MYH11: variants seen among roughly 807,000 people sequenced by gnomAD.
MYH11 encodes the protein myosin-11.
Under a neutral mutation model 246.6 loss-of-function variants are expected in MYH11, and 80 were observed. That is an observed-to-expected ratio of 0.32 (90% CI 0.27 to 0.39). MYH11 has a LOEUF of 0.39. Ranked by LOEUF, MYH11 falls within the 10% of genes least tolerant of loss-of-function variation. The pLI is 1.00. For synonymous variants in MYH11, 1,071 were observed against 1,015.5 expected (o/e 1.05, Z -1.04); for missense variants, 2,158 against 2,546.8 (o/e 0.85, Z 3.29).
chr16:15,832,943 C>CTTTT (rs780380104), intron 2 of MYH11, among the ~76,000 whole-genome samples: 9 of 55,340 alleles, frequency 1.6e-4, no homozygotes, highest in Non-Finnish European at 2.5e-4. Flanking sequence ...GCAACCTCAT[C>CTTTT]TTTTTTTTTT....
At chr16:15,726,751 C>A (rs1050328648) in intron 28 of MYH11, 97 bp downstream of exon 28, 8 of 1,399,884 alleles carry the variant, frequency 5.7e-6, no homozygotes, top group African/African-American at 1.4e-5. Context: ...ACTTGCCTTG[C>A]AGCAAGAGAG....
At chr16:15,749,206 G>A (rs1240313792) in intron 16 of MYH11, 1 of 144,864 alleles carries the variant, frequency 6.9e-6, no homozygotes, top group Non-Finnish European at 1.5e-5. Context: ...CTGGAATGCT[G>A]TGGTGCAATC....
chr16:15,767,950 A>G (rs553834310), intron 9 of MYH11, among the ~76,000 whole-genome samples: 1 of 150,684 alleles, frequency 6.6e-6, no homozygotes, highest in Admixed American at 6.6e-5. Context: ...TTTTTTTTTT[A>G]AATTTTTAGT....
In MYH11 at chr16:15,724,811, A is replaced by C; in HGVS notation, c.3964-12T>G. On this transcript the variant is annotated splice_polypyrimidine_tract_variant and intron_variant, in intron 29 of 40. Transcript: ENST00000300036. ...TCTTGAAGCAGCTCCTGCAAAAGGG[A>C]TGCAAAGAGGTCCCAGGGACCTGCC... 6.2e-7 allele frequency: 1 copy of C among 1,613,756 alleles called. No homozygotes were observed. The highest frequency in any genetic ancestry group is 8.5e-7 in the Non-Finnish European group (1 of 1,180,004).
chr16:15,735,962 T>C (rs1236027096), intron 25 of MYH11, among the ~76,000 whole-genome samples: 4 of 152,256 alleles, frequency 2.6e-5, no homozygotes, highest in African/African-American at 9.6e-5. Context: ...TTTCTGCATT[T>C]GCTCAGTGAC....
intron 40 of MYH11, among the ~76,000 whole-genome samples, chr16:15,712,331 A>T (rs1310199270): frequency 6.6e-6 from 1 of 151,810 alleles, no homozygotes; most frequent in Non-Finnish European, 1.5e-5. Flanking sequence ...ATTAGTTGAG[A>T]CCTCTCACCT....
rs2041462418 is a variant in MYH11 at position 15,747,892 on chromosome 16, C to G, written c.2232G>C (p.Lys744Asn). 2 of 1,613,944 alleles carry G rather than the reference C, an allele frequency of 1.2e-6. No homozygotes were observed. Among genetic ancestry groups the G allele is most frequent in the East Asian group, 4.5e-5 (2 of 44,856 alleles). The change falls in exon 18 of 41, where the codon AAG becomes AAC. Residue 744 changes from lysine (K) to asparagine (N), a missense_variant. Transcript: ENST00000300036. ...NAIPKGFMDGKQACILMIKAL... is the reference protein window; with the variant it reads ...NAIPKGFMDGNQACILMIKAL... The stretch of plus-strand genomic sequence containing the variant: ...GGCTCACCATGAGAATGCAGGCCTG[C>G]TTCCCGTCCATGAAGCCTTTGGGGA...
intron 2 of MYH11, among the ~76,000 whole-genome samples, chr16:15,830,649 G>A (rs1391415710): frequency 6.6e-6 from 1 of 152,186 alleles, no homozygotes; most frequent in Non-Finnish European, 1.5e-5. Flanking sequence ...AGGCTGAGGT[G>A]GGTGGATCAC....
chr16:15,738,704 GAA>G lies in MYH11; in HGVS notation c.2998-18_2998-17del, dbSNP rs746744616. ...GTTTTCGTTCCTTTTTGGGGAAAGA[GAA>G]AGAGATAGCTTTAGGATTTTTCTTT... On this transcript the variant is annotated splice_polypyrimidine_tract_variant and intron_variant, in intron 23 of 40. Coordinates refer to ENST00000300036, the MANE Select transcript of MYH11 (RefSeq NM_002474.3). The G allele has an allele frequency of 2.2e-5, 36 of 1,612,804 alleles. No homozygotes were observed. The highest frequency in any genetic ancestry group is 3.0e-5 in the Non-Finnish European group (35 of 1,179,176).
At chr16:15,806,942 G>T (rs2043027892) in intron 3 of MYH11, among the ~76,000 whole-genome samples, 1 of 150,864 alleles carries the variant, frequency 6.6e-6, no homozygotes, top group Non-Finnish European at 1.5e-5. Flanking sequence ...AAGCACAAAA[G>T]TCAATAAGAT....
intron 38 of MYH11, among the ~76,000 whole-genome samples, chr16:15,716,302 A>C (rs2040132066): frequency 6.6e-6 from 1 of 152,094 alleles, no homozygotes; most frequent in African/African-American, 2.4e-5. Flanking sequence ...CATGTTTGTG[A>C]ATATATGAAT....
At chr16:15,767,826 C>A (rs1187748068) in intron 9 of MYH11, among the ~76,000 whole-genome samples, 2 of 151,858 alleles carry the variant, frequency 1.3e-5, no homozygotes, top group East Asian at 1.9e-4. Context: ...AAGGAAAAGC[C>A]AGGAACAGCC....
intron 24 of MYH11, 121 bp from the exon 25 acceptor site, chr16:15,737,741 A>G: frequency 9.8e-7 from 1 of 1,022,886 alleles, no homozygotes; most frequent in East Asian, 2.5e-5. Context: ...AGTAACCATC[A>G]TAGTCACGGT....
intron 31 of MYH11, among the ~76,000 whole-genome samples, chr16:15,722,518 A>G (rs978560276): frequency 2.6e-5 from 4 of 152,182 alleles, no homozygotes; most frequent in South Asian, 2.1e-4. Context: ...ATCCCACACT[A>G]TGTGTGCCAC....
chr16:15,738,641 A>G lies in MYH11; in HGVS notation c.3045T>C (p.Leu1015=), dbSNP rs764089203. 1.2e-6 allele frequency: 2 copies of G among 1,614,062 alleles called. No homozygotes were observed. Among genetic ancestry groups the G allele is most frequent in the Non-Finnish European group, 1.7e-6 (2 of 1,179,968 alleles). ...EERISDLTTN[L]AEEEEKAKNL... ...TCTTGGCCTTTTCTTCCTCTTCTGC[A>G]AGATTTGTCGTTAAGTCACTAATCC... The change falls in exon 24 of 41, where the codon CTT becomes CTC. Residue 1015 remains leucine, a synonymous_variant. Transcript: ENST00000300036.
At chr16:15,843,699 CAAA>C (rs35135287) in intron 1 of MYH11, among the ~76,000 whole-genome samples, 1 of 134,400 alleles carries the variant, frequency 7.4e-6, no homozygotes, top group Non-Finnish European at 1.6e-5. Flanking sequence ...GACTCCGTCT[CAAA>C]AAAAAAAAAA....
rs191413541 is a variant in MYH11, at chr16:15,725,398, A to G, written c.3859-406T>C. ...TCTCTAAGGCTGGAGAAGGGAGACC[A>G]GGATGGTACTTGAACGTCCCAGGGA... On this transcript the variant is annotated intron_variant, in intron 28 of 40. Transcript: ENST00000300036. The G allele has an allele frequency of 3.0e-5, 16 of 524,846 alleles. No homozygotes were observed. In the East Asian group the frequency reaches 4.0e-4, roughly 13 times the overall value. The allele number at this position is 524,846 out of a possible 1,614,324, so 32.5% of individuals were successfully genotyped here.
At chr16:15,769,228 A>T (rs1356189610) in intron 9 of MYH11, among the ~76,000 whole-genome samples, 2 of 152,192 alleles carry the variant, frequency 1.3e-5, no homozygotes, top group Non-Finnish European at 1.5e-5. Flanking sequence ...AGCCAAGAGA[A>T]TTGCTTGAAC....
intron 27 of MYH11, among the ~76,000 whole-genome samples, chr16:15,727,529 T>TCATG (rs1203338306): frequency 6.6e-6 from 1 of 152,144 alleles, no homozygotes; most frequent in East Asian, 1.9e-4. Flanking sequence ...TTCCTAAAGC[T>TCATG]CATGGGTTGC....
Sources: gnomAD v4.1 joint callset for allele counts (sites outside exome capture counted in the v4.1 genomes callset) on GRCh38, gnomAD v4.1.1 for gene constraint, MANE v1.5 for transcripts, NCBI Gene and HGNC (gene_info 2026-07-23, HGNC 2026-07-21) for gene names.